Variants in GTF2F2 observed in about 807,000 individuals in gnomAD.
GTF2F2 encodes general transcription factor IIF subunit 2.
A neutral mutation model predicts 42.2 loss-of-function variants in GTF2F2; 23 were observed. The observed-to-expected ratio is 0.55, with a 90% confidence interval of 0.39 to 0.77. GTF2F2 has a LOEUF of 0.77. Among genes scored for constraint, GTF2F2 ranks in the 30% least tolerant of loss-of-function variants. The probability of loss-of-function intolerance (pLI) is 0.00; values close to 1 mark genes in which losing one functional copy is unlikely to be tolerated. For synonymous variants in GTF2F2, 105 were observed against 100.8 expected (o/e 1.04, Z -0.25); for missense variants, 261 against 287.2 (o/e 0.91, Z 0.66).
chr13:45,125,733 A>G (rs1868961793), intron 1 of GTF2F2, among the ~76,000 whole-genome samples: 1 of 152,170 alleles, frequency 6.6e-6, no homozygotes, highest in South Asian at 2.1e-4. Flanking sequence ...TCAAGGAAAC[A>G]TGGGAATAAA....
chr13:45,129,938 C>T (rs1566108245), intron 1 of GTF2F2, among the ~76,000 whole-genome samples: 1 of 152,208 alleles, frequency 6.6e-6, no homozygotes, highest in Admixed American at 6.5e-5. Context: ...TGGGCTTGCC[C>T]TTGCAGATAC....
rs372638337 is a variant in GTF2F2 at position 45,184,203 on chromosome 13, C to T, written c.305-23221C>T. ...GTGATTTCTTATAATACTGTAATAC[C>T]TGAAACTTGTTTCTGTATGGAAACA... is the stretch of plus-strand genomic sequence containing the variant. On this transcript the variant is annotated intron_variant, in intron 4 of 7. Transcript: ENST00000340473. 1.1e-4 allele frequency among the ~76,000 whole-genome samples: 16 copies of T among 152,126 alleles called. No homozygotes were observed. The South Asian group carries it at 3.3e-3, about 32-fold the overall frequency.
intron 5 of GTF2F2, among the ~76,000 whole-genome samples, chr13:45,240,680 T>C (rs1875244770): frequency 6.7e-6 from 1 of 149,358 alleles, no homozygotes; most frequent in South Asian, 2.1e-4. Context: ...ATACAAAAAT[T>C]AGTCAGGCAT....
At chr13:45,235,008 G>A (rs999201481) in intron 5 of GTF2F2, among the ~76,000 whole-genome samples, 4 of 118,590 alleles carry the variant, frequency 3.4e-5, no homozygotes, top group African/African-American at 1.3e-4. Flanking sequence ...TTGTGCCATT[G>A]CACTCCAGCC....
intron 7 of GTF2F2, among the ~76,000 whole-genome samples, chr13:45,282,704 C>T (rs1877314254): frequency 6.6e-6 from 1 of 152,092 alleles, no homozygotes; most frequent in Non-Finnish European, 1.5e-5. Context: ...GGGGTTTCAC[C>T]ATGTTGGCCA....
chr13:45,142,454 C>T (rs139820060), intron 2 of GTF2F2, among the ~76,000 whole-genome samples: 1,907 of 152,290 alleles, frequency 0.013, 42 homozygotes, highest in African/African-American at 0.04. Flanking sequence ...AGGCGTGAGC[C>T]ACCACGTCTG....
intron 4 of GTF2F2, among the ~76,000 whole-genome samples, chr13:45,204,129 T>C (rs1349280799): frequency 3.3e-5 from 5 of 152,200 alleles, no homozygotes; most frequent in Non-Finnish European, 7.3e-5. Flanking sequence ...TTAAAAACAT[T>C]TAAATTTAGG....
rs397851526 is a variant in GTF2F2, at chr13:45,217,297, C to CA, written c.386+9811dup. On this transcript the variant is annotated intron_variant, in intron 5 of 7. Transcript: ENST00000340473. ...TAGGTGACAGAGCGAGACTCCATCT[C>CA]AAAAAAAAAAAAAAAAAAAGATTCA... Among the ~76,000 whole-genome samples the CA allele has an allele frequency of 4.7e-3, 396 of 85,156 alleles. 2 individuals are homozygous for CA. The highest frequency in any genetic ancestry group is 0.023 in the South Asian group (52 of 2,254). The allele number at this position is 85,156 out of a possible 152,430, so 55.9% of individuals were successfully genotyped here. A position where few individuals can be genotyped will look rare whatever the true frequency, so the allele number is the denominator to read the frequency against.
At chr13:45,202,778 C>T (rs1873256249) in intron 4 of GTF2F2, among the ~76,000 whole-genome samples, 1 of 152,012 alleles carries the variant, frequency 6.6e-6, no homozygotes, top group Admixed American at 6.6e-5. Flanking sequence ...CATGGTGAAA[C>T]CCTGGCTGTA....
chr13:45,128,757 A>G (rs183041879), intron 1 of GTF2F2, among the ~76,000 whole-genome samples: 59 of 151,960 alleles, frequency 3.9e-4, no homozygotes, highest in South Asian at 2.1e-3. Flanking sequence ...ATATGCCTAG[A>G]TAATTTTTAA....
rs1868616407 is a variant in GTF2F2 at position 45,121,231 on chromosome 13, G to T, written c.66+510G>T. On this transcript the variant is annotated intron_variant, in intron 1 of 7. Transcript: ENST00000340473. Reference sequence around the variant, plus strand: ...AGAGCCCCAAACTCACAGAAGGAGAGGTCATTGGACTGGAGTATTCTTTTA... The same window carrying T: ...AGAGCCCCAAACTCACAGAAGGAGATGTCATTGGACTGGAGTATTCTTTTA... Among the ~76,000 whole-genome samples, 5 of 152,214 alleles carry T rather than the reference G, an allele frequency of 3.3e-5. No individual in the cohort carries two copies. In the South Asian group the frequency reaches 1.0e-3, roughly 32 times the overall value.
chr13:45,271,681 A>G (rs1399844767), intron 7 of GTF2F2, among the ~76,000 whole-genome samples: 1 of 152,076 alleles, frequency 6.6e-6, no homozygotes. Flanking sequence ...CCCCCCGAGT[A>G]GCTAGGACTA....
chr13:45,154,583 C>T (rs1870660810), intron 4 of GTF2F2, among the ~76,000 whole-genome samples: 1 of 152,108 alleles, frequency 6.6e-6, no homozygotes, highest in African/African-American at 2.4e-5. Context: ...TGCTTCTTAA[C>T]CTCATTATTT....
At chr13:45,228,328 A>G (rs1010962781) in intron 5 of GTF2F2, among the ~76,000 whole-genome samples, 1 of 123,352 alleles carries the variant, frequency 8.1e-6, no homozygotes, top group Non-Finnish European at 1.7e-5. Context: ...TTGTTGCCAG[A>G]AAACAAGGTG....
intron 5 of GTF2F2, among the ~76,000 whole-genome samples, chr13:45,209,704 A>G (rs938891374): frequency 2.0e-5 from 3 of 152,188 alleles, no homozygotes; most frequent in African/African-American, 4.8e-5. Flanking sequence ...CATCAAACAT[A>G]CATACAAAAG....
chr13:45,209,007 A>T (rs1873528621), intron 5 of GTF2F2, among the ~76,000 whole-genome samples: 1 of 152,188 alleles, frequency 6.6e-6, no homozygotes, highest in Admixed American at 6.5e-5. Context: ...GCTTACCAAG[A>T]TCTTTTTCTG....
intron 4 of GTF2F2, among the ~76,000 whole-genome samples, chr13:45,189,182 C>T (rs868098838): frequency 5.9e-5 from 9 of 151,952 alleles, no homozygotes; most frequent in Non-Finnish European, 1.2e-4. Flanking sequence ...GATATTTTGC[C>T]GAGAATGATG....
intron 1 of GTF2F2, among the ~76,000 whole-genome samples, chr13:45,126,929 T>G (rs1236840371): frequency 6.6e-6 from 1 of 152,230 alleles, no homozygotes; most frequent in East Asian, 1.9e-4. Context: ...CCTGTTGTAC[T>G]TATTACCTTG....
rs1227288152 is a variant in GTF2F2, at chr13:45,173,748, G to A, written c.304+21917G>A. On this transcript the variant is annotated intron_variant, in intron 4 of 7. Transcript: ENST00000340473. ...TTCTCCTGCCTCAGCCCCCCGAGTA[G>A]CTGGGACTACAGGCGCCCGCTACCA... Among the ~76,000 whole-genome samples the A allele has an allele frequency of 3.1e-4, 47 of 150,668 alleles. No homozygotes were observed. In the Admixed American group the frequency reaches 3.1e-3, roughly 10 times the overall value.
Sources: allele counts gnomAD v4.1 joint callset (sites outside exome capture counted in the v4.1 genomes callset), GRCh38; gene constraint gnomAD v4.1.1; transcripts MANE v1.5; gene names NCBI Gene and HGNC (gene_info 2026-07-23, HGNC 2026-07-21).